The following CTNND2 variants were observed in gnomAD, a reference collection of about 807,000 sequenced individuals.
CTNND2 encodes the protein catenin delta-2.
A neutral mutation model predicts 144.4 loss-of-function variants in CTNND2; 22 were observed. That is an observed-to-expected ratio of 0.15 (90% CI 0.11 to 0.22). The LOEUF (loss-of-function observed/expected upper bound fraction) is 0.22, where lower values mean the gene tolerates loss of function less well. CTNND2 is among the 10% of genes least tolerant of loss of function. The probability of loss-of-function intolerance (pLI) is 1.00; values close to 1 mark genes in which losing one functional copy is unlikely to be tolerated. For missense variants in CTNND2, 1,353 were observed against 1,618.8 expected (o/e 0.84, Z 2.82); for synonymous variants, 751 against 695.6 (o/e 1.08, Z -1.25).
At chr5:11,041,471 C>A (rs960976862) in intron 16 of CTNND2, among the ~76,000 whole-genome samples, 2 of 152,148 alleles carry the variant, frequency 1.3e-5, no homozygotes, top group African/African-American at 4.8e-5. Flanking sequence ...GCTCTTTTCT[C>A]CAGCCTAACC....
chr5:11,538,731 T>C (rs1774447562), intron 3 of CTNND2, among the ~76,000 whole-genome samples: 1 of 152,162 alleles, frequency 6.6e-6, no homozygotes, highest in Non-Finnish European at 1.5e-5. Flanking sequence ...TGTTAGTTAT[T>C]TTTTTGTGAA....
intron 19 of CTNND2, among the ~76,000 whole-genome samples, chr5:10,991,168 A>C (rs1007812478): frequency 2.0e-5 from 3 of 152,228 alleles, no homozygotes; most frequent in Non-Finnish European, 4.4e-5. Flanking sequence ...CAGCTTTCAC[A>C]GAGCTGGGAG....
rs1228655718 is a variant in CTNND2, at chr5:11,110,917, C to T, written c.2404G>A (p.Asp802Asn). 52 of 1,614,022 alleles carry T rather than the reference C, an allele frequency of 3.2e-5. No individual in the cohort carries two copies. Among genetic ancestry groups the T allele is most frequent in the Non-Finnish European group, 4.3e-5 (51 of 1,180,038 alleles). ...GLLCGEANGK[D>N]AESSGCWGKK... ...CCCCAGCACCCAGAGCTCTCAGCAT[C>T]CTTGCCATTGGCCTCGCCACAGAGT... The change falls in exon 14 of 22, where the codon GAT (aspartate) becomes AAT (asparagine). Residue 802 changes from aspartate (D) to asparagine (N), a missense_variant. Asp to Asn is a conservative substitution (Grantham distance 23). Coordinates refer to ENST00000304623, the MANE Select transcript of CTNND2 (RefSeq NM_001332.4).
chr5:11,687,266 G>A (rs1784695798), intron 2 of CTNND2, among the ~76,000 whole-genome samples: 1 of 152,220 alleles, frequency 6.6e-6, no homozygotes, highest in African/African-American at 2.4e-5. Context: ...TTCAATGACT[G>A]TCACATGTAC....
At chr5:11,567,294 T>C (rs1777196496) in intron 2 of CTNND2, among the ~76,000 whole-genome samples, 1 of 152,200 alleles carries the variant, frequency 6.6e-6, no homozygotes, top group South Asian at 2.1e-4. Context: ...CCAGAAGCAC[T>C]GGGCAATTTG....
At chr5:11,078,284 TTAAAG>T (rs1446497336) in intron 16 of CTNND2, among the ~76,000 whole-genome samples, 3 of 152,218 alleles carry the variant, frequency 2.0e-5, no homozygotes, top group Non-Finnish European at 4.4e-5. Context: ...GGTACAGTAT[TTAAAG>T]TAAAATAGTT....
chr5:11,626,216 T>C (rs1046725256), intron 2 of CTNND2, among the ~76,000 whole-genome samples: 2 of 152,196 alleles, frequency 1.3e-5, no homozygotes, highest in African/African-American at 2.4e-5. Flanking sequence ...TTGTTGCACA[T>C]TGATGCCAAC....
At chr5:11,829,905 A>T (rs1488599625) in intron 1 of CTNND2, among the ~76,000 whole-genome samples, 1 of 152,236 alleles carries the variant, frequency 6.6e-6, no homozygotes, top group Non-Finnish European at 1.5e-5. Flanking sequence ...GCAAAGCCAC[A>T]GGTGTGGAGC....
chr5:11,255,910 C>A (rs1213578691), intron 9 of CTNND2, among the ~76,000 whole-genome samples: 2 of 152,190 alleles, frequency 1.3e-5, no homozygotes, highest in African/African-American at 4.8e-5. Flanking sequence ...TTTTATCCTG[C>A]ACAACTCCGT....
rs1466535402 is a variant in CTNND2, at chr5:11,820,449, C to T, written c.37+83368G>A. ...TACTTAGAAAATAGTATCCATATTG[C>T]ATTAACTCCTGCTCCAAAGTTAACA... is the stretch of plus-strand genomic sequence containing the variant. On this transcript the variant is annotated intron_variant, in intron 1 of 21. Coordinates refer to ENST00000304623, the MANE Select transcript of CTNND2 (RefSeq NM_001332.4). 2.6e-5 allele frequency among the ~76,000 whole-genome samples: 4 copies of T among 152,172 alleles called. No homozygotes were observed. The East Asian group carries it at 7.7e-4, about 29-fold the overall frequency.
chr5:11,535,770 C>T (rs565505439), intron 3 of CTNND2, among the ~76,000 whole-genome samples: 2 of 152,260 alleles, frequency 1.3e-5, no homozygotes, highest in East Asian at 3.9e-4. Flanking sequence ...CTTTATTCCC[C>T]CCGGTGTTAC....
At chr5:11,733,303 G>A (rs982054631) in intron 1 of CTNND2, among the ~76,000 whole-genome samples, 6 of 152,104 alleles carry the variant, frequency 3.9e-5, no homozygotes, top group African/African-American at 1.2e-4. Flanking sequence ...GACACTCTCT[G>A]AGAGTGGATA....
chr5:11,336,389 C>T (rs1381471984), intron 9 of CTNND2, among the ~76,000 whole-genome samples: 1 of 152,124 alleles, frequency 6.6e-6, no homozygotes, highest in African/African-American at 2.4e-5. Context: ...AAACACACAA[C>T]CAGAATGGGC....
At chr5:11,355,784 T>G (rs888795543) in intron 8 of CTNND2, among the ~76,000 whole-genome samples, 1 of 152,058 alleles carries the variant, frequency 6.6e-6, no homozygotes, top group Non-Finnish European at 1.5e-5. Context: ...TGGGCAGCCC[T>G]AAAGACTCCA....
chr5:10,991,269 G>A (rs1257362204), intron 19 of CTNND2, among the ~76,000 whole-genome samples: 2 of 152,136 alleles, frequency 1.3e-5, no homozygotes, highest in Non-Finnish European at 2.9e-5. Flanking sequence ...CATCATTCTC[G>A]CGGGTAGGGA....
intron 11 of CTNND2, among the ~76,000 whole-genome samples, chr5:11,182,134 G>A (rs899953954): frequency 6.4e-5 from 9 of 139,990 alleles, no homozygotes; most frequent in Non-Finnish European, 1.1e-4. Context: ...TGTGGATGGG[G>A]TGTGTGTGTG....
intron 9 of CTNND2, among the ~76,000 whole-genome samples, chr5:11,295,640 G>A (rs781567011): frequency 2.0e-5 from 3 of 152,126 alleles, no homozygotes; most frequent in Non-Finnish European, 4.4e-5. Flanking sequence ...CAGAGATATA[G>A]ACAAATGGAA....
At chr5:11,853,121 G>C (rs1406728380) in intron 1 of CTNND2, among the ~76,000 whole-genome samples, 1 of 152,086 alleles carries the variant, frequency 6.6e-6, no homozygotes, top group Non-Finnish European at 1.5e-5. Flanking sequence ...TTCTCACCAG[G>C]TCTCTTGTGC....
chr5:11,116,522 A>G (rs1018790242), intron 13 of CTNND2, among the ~76,000 whole-genome samples: 5 of 152,268 alleles, frequency 3.3e-5, no homozygotes, highest in African/African-American at 1.2e-4. Context: ...ATGAAATTAC[A>G]AACATATGAA....
Sources: allele counts gnomAD v4.1 joint callset (sites outside exome capture counted in the v4.1 genomes callset), GRCh38; gene constraint gnomAD v4.1.1; transcripts MANE v1.5; gene names NCBI Gene and HGNC (gene_info 2026-07-23, HGNC 2026-07-21).